The following ZNF454 variants were observed in gnomAD, a reference collection of about 807,000 sequenced individuals.
The protein encoded by ZNF454 is zinc finger protein 454.
In ZNF454, 30 loss-of-function variants were observed where a neutral mutation model predicts 48.2. The ratio of observed to expected loss-of-function variants is 0.62; its 90% CI spans 0.47 to 0.84. ZNF454 has a LOEUF of 0.84. Ranked by LOEUF, ZNF454 falls within the 40% of genes least tolerant of loss-of-function variation. ZNF454 has a pLI of 0.00. For synonymous variants in ZNF454, 204 were observed against 211.4 expected (o/e 0.97, Z 0.30); for missense variants, 510 against 623.1 (o/e 0.82, Z 1.93).
At position 178,946,401 on chromosome 5, in the gene ZNF454, G is replaced by A. The variant is rs1759336159; in HGVS notation, c.76G>A (p.Glu26Lys). The change falls in exon 3 of 5, where the codon GAA becomes AAA. Residue 26 changes from glutamate to lysine, a missense_variant. Physicochemically the swap from Glu to Lys is moderately conservative, Grantham distance 56. Coordinates refer to ENST00000519564, the MANE Select transcript of ZNF454 (RefSeq NM_001178089.3). The surrounding 1 kb of genome is among the most constrained non-coding windows in gnomAD (Gnocchi z 4.5). ...GGATGTGGCTATACTGTTCACCCAG[G>A]AAGAGTGGGGGCAGCTGAGCCCCGC... ...FKDVAILFTQ[E>K]EWGQLSPAQR... 1 of 1,613,056 alleles carries A rather than the reference G, an allele frequency of 6.2e-7. No individual in the cohort carries two copies. The highest frequency in any genetic ancestry group is 2.2e-5 in the East Asian group (1 of 44,844).
At chr5:178,975,801 T>G in the ZNF454 span, 32 of 353,922 alleles carry the variant, frequency 9.0e-5, no homozygotes, top group African/African-American at 6.1e-4. Context: ...GTTTTGTAGA[T>G]GTGGGTAACC....
chr5:178,984,323 A>G, the ZNF454 span, among the ~76,000 whole-genome samples: 1 of 152,172 alleles, frequency 6.6e-6, no homozygotes, highest in Admixed American at 6.5e-5. Flanking sequence ...CCTGCAAAAT[A>G]ACAGCAAATG....
chr5:178,957,498 C>A (rs184694977), intron 4 of ZNF454, among the ~76,000 whole-genome samples: 1 of 152,188 alleles, frequency 6.6e-6, no homozygotes, highest in Admixed American at 6.5e-5. Context: ...CAAGCTCCAC[C>A]TCCTGGGTTT....
chr5:178,954,149 T>G (rs1246259478), intron 4 of ZNF454, among the ~76,000 whole-genome samples: 1 of 151,946 alleles, frequency 6.6e-6, no homozygotes. Flanking sequence ...TCCCAGCTAC[T>G]CGGAAGACTG....
At chr5:178,989,926 C>T in the ZNF454 span, 4 of 220,948 alleles carry the variant, frequency 1.8e-5, no homozygotes, top group African/African-American at 9.1e-5. Flanking sequence ...ACTCTCAGAC[C>T]TCCTGTCTTG....
downstream of ZNF454, chr5:178,969,740 C>G: frequency 4.6e-6 from 2 of 437,318 alleles, no homozygotes; most frequent in South Asian, 1.6e-5. Flanking sequence ...CACCTCGGAG[C>G]GTTCCGAGAC....
Position 178,942,712 on chromosome 5 carries a change from G to T in ZNF454, c.-80G>T. ...GGTGTGTGGACCCTTCTAGCCTGAG[G>T]AGTCCTGCAGGTGTGAAGCTCCACA... On this transcript the variant is annotated 5_prime_UTR_variant, in exon 2 of 5. Transcript: ENST00000519564. 1 of 1,527,814 alleles carries T rather than the reference G, an allele frequency of 6.5e-7. No homozygotes were observed. The highest frequency in any genetic ancestry group is 1.7e-5 in the Admixed American group (1 of 59,762). 94.6% of individuals were successfully genotyped at this position (1,527,814 alleles called of 1,614,324 possible).
downstream of ZNF454, among the ~76,000 whole-genome samples, chr5:178,966,955 C>T (rs1561710297): frequency 6.6e-6 from 1 of 152,172 alleles, no homozygotes; most frequent in African/African-American, 2.4e-5. Flanking sequence ...TATCACTGCC[C>T]CTATGGGGAG....
the ZNF454 span, among the ~76,000 whole-genome samples, chr5:178,975,334 G>A: frequency 6.6e-6 from 1 of 152,144 alleles, no homozygotes; most frequent in Non-Finnish European, 1.5e-5. Context: ...TTTGAGAGCA[G>A]TATTACTCCA....
At chr5:178,975,081 G>C in the ZNF454 span, among the ~76,000 whole-genome samples, 3 of 152,172 alleles carry the variant, frequency 2.0e-5, no homozygotes, top group Non-Finnish European at 4.4e-5. Context: ...GCCATGGCAG[G>C]CCGATCACCT....
the ZNF454 span, chr5:178,989,353 G>C: frequency 1.2e-6 from 2 of 1,613,940 alleles, no homozygotes; most frequent in Non-Finnish European, 1.7e-6. Context: ...CGGCGAACCA[G>C]ATGTTCCTGC....
At chr5:178,963,932 G>C (rs1760068839) in intron 4 of ZNF454, among the ~76,000 whole-genome samples, 1 of 151,684 alleles carries the variant, frequency 6.6e-6, no homozygotes, top group South Asian at 2.1e-4. Flanking sequence ...ATTTTCAGCA[G>C]TTTCTTTAGG....
At chr5:178,982,052 C>T in the ZNF454 span, among the ~76,000 whole-genome samples, 1 of 152,022 alleles carries the variant, frequency 6.6e-6, no homozygotes, top group African/African-American at 2.4e-5. Flanking sequence ...CTGGTGTGGG[C>T]AGGAGGGAGG....
the ZNF454 span, chr5:178,985,478 C>T: frequency 0.01 from 3,554 of 339,326 alleles, 56 homozygotes; most frequent in African/African-American, 0.038. Flanking sequence ...CCGAGGTGGG[C>T]GGATCACGAG....
chr5:178,976,014 C>T, the ZNF454 span: 1 of 387,740 alleles, frequency 2.6e-6, no homozygotes, highest in Non-Finnish European at 5.3e-6. Context: ...CTCACATTTT[C>T]TCCCCTGCTC....
Position 178,965,120 on chromosome 5 carries a change from C to T in ZNF454, c.716C>T (p.Thr239Ile). 6.2e-7 allele frequency: 1 copy of T among 1,614,204 alleles called. No homozygotes were observed. Among genetic ancestry groups the T allele is most frequent in the Non-Finnish European group, 8.5e-7 (1 of 1,180,034 alleles). The change falls in exon 5 of 5, where the codon ACT (threonine) becomes ATT (isoleucine). Residue 239 changes from threonine to isoleucine, a missense_variant. By Grantham distance (89) the Thr-to-Ile change is moderately conservative. Coordinates refer to ENST00000519564, the MANE Select transcript of ZNF454 (RefSeq NM_001178089.3). This position sits in a 1 kb window ranked among gnomAD's most constrained non-coding sequence, Gnocchi z 5.2. ...THLIHHQRIHTGEKPYECKEC... is the reference protein window; with the variant it reads ...THLIHHQRIHIGEKPYECKEC... ...CTTATCCATCACCAAAGAATTCACACTGGCGAGAAACCCTATGAATGTAAG... is the reference window on the plus strand; with the variant it reads ...CTTATCCATCACCAAAGAATTCACATTGGCGAGAAACCCTATGAATGTAAG...
chr5:178,956,846 C>CA (rs1759778326), intron 4 of ZNF454: 1 of 336,526 alleles, frequency 3.0e-6, no homozygotes, highest in Admixed American at 3.1e-5. Flanking sequence ...GCTGGGAATA[C>CA]AGGCGCCCGC....
intron 4 of ZNF454, among the ~76,000 whole-genome samples, chr5:178,952,106 C>G (rs970157149): frequency 6.7e-6 from 1 of 149,984 alleles, no homozygotes; most frequent in East Asian, 2.0e-4. Flanking sequence ...GGCGCGATCT[C>G]GGCTCACTGC....
chr5:178,972,994 TAA>T, the ZNF454 span, among the ~76,000 whole-genome samples: 1 of 135,600 alleles, frequency 7.4e-6, no homozygotes. Context: ...AGTAAATAGG[TAA>T]AAAAAAAAAA....
Sources: gnomAD v4.1 joint callset for allele counts (sites outside exome capture counted in the v4.1 genomes callset) on GRCh38, gnomAD v4.1.1 for gene constraint, Gnocchi (gnomAD v3.1) non-coding constraint, MANE v1.5 for transcripts, NCBI Gene and HGNC (gene_info 2026-07-23, HGNC 2026-07-21) for gene names.